The following ARHGAP15 variants were observed in gnomAD, a reference collection of about 807,000 sequenced individuals.
The protein encoded by ARHGAP15 is rho GTPase-activating protein 15.
In ARHGAP15, 51 loss-of-function variants were observed where a neutral mutation model predicts 63.7. That is an observed-to-expected ratio of 0.80 (90% CI 0.64 to 1.01). The LOEUF (loss-of-function observed/expected upper bound fraction) is 1.01, where lower values mean the gene tolerates loss of function less well. Among genes scored for constraint, ARHGAP15 ranks in the 50% least tolerant of loss-of-function variants. The pLI is 0.00. For synonymous variants in ARHGAP15, 191 were observed against 193.8 expected (o/e 0.99, Z 0.12); for missense variants, 560 against 564.6 (o/e 0.99, Z 0.08).
chr2:143,690,473 C>A (rs894846507), intron 12 of ARHGAP15, among the ~76,000 whole-genome samples: 5 of 152,048 alleles, frequency 3.3e-5, no homozygotes, highest in Admixed American at 1.3e-4. Flanking sequence ...GTTGCTGTTG[C>A]GTCTTTACCT....
intron 2 of ARHGAP15, among the ~76,000 whole-genome samples, chr2:143,173,438 T>C (rs1027040482): frequency 2.6e-5 from 4 of 152,056 alleles, no homozygotes; most frequent in Admixed American, 2.6e-4. Context: ...CATAAACATA[T>C]CAATCCTGGT....
At chr2:143,344,237 T>C (rs1685176113) in intron 6 of ARHGAP15, 1 of 152,134 alleles carries the variant, frequency 6.6e-6, no homozygotes, top group Admixed American at 6.6e-5. Context: ...AAAAGTAGTA[T>C]AGGCAATTTG....
intron 8 of ARHGAP15, among the ~76,000 whole-genome samples, chr2:143,468,059 C>A (rs1691317359): frequency 6.6e-6 from 1 of 152,030 alleles, no homozygotes; most frequent in Non-Finnish European, 1.5e-5. Context: ...ATGAAGTTTA[C>A]AATCTGCCAT....
At chr2:143,658,474 T>C (rs1681575451) in intron 12 of ARHGAP15, among the ~76,000 whole-genome samples, 1 of 152,182 alleles carries the variant, frequency 6.6e-6, no homozygotes, top group Non-Finnish European at 1.5e-5. Context: ...TCAAGTACTG[T>C]GTCAGTTGGA....
intron 8 of ARHGAP15, among the ~76,000 whole-genome samples, chr2:143,484,743 T>C (rs1692245633): frequency 1.3e-5 from 2 of 152,106 alleles, no homozygotes; most frequent in South Asian, 2.1e-4. Context: ...AAAGAAACAA[T>C]TTAAATAATA....
intron 6 of ARHGAP15, among the ~76,000 whole-genome samples, chr2:143,413,390 A>G (rs1180084899): frequency 6.6e-6 from 1 of 152,024 alleles, no homozygotes; most frequent in South Asian, 2.1e-4. Context: ...GGGCCCCTTT[A>G]CCTTGGTAGA....
Position 143,624,308 on chromosome 2 carries a change from G to T in ARHGAP15, c.1138+41G>T. 1.9e-6 allele frequency: 3 copies of T among 1,573,196 alleles called. No individual in the cohort carries two copies. In the South Asian group the frequency reaches 3.5e-5, roughly 18 times the overall value. On this transcript the variant is annotated intron_variant, in intron 12 of 13. Coordinates refer to ENST00000295095, the MANE Select transcript of ARHGAP15 (RefSeq NM_018460.4). Reference sequence around the variant, plus strand: ...AAAAGGGCAGGTGGTAGAATAACCTGACATCCTGGAATTATTAAGTAAATA... The same window carrying T: ...AAAAGGGCAGGTGGTAGAATAACCTTACATCCTGGAATTATTAAGTAAATA...
chr2:143,361,370 A>T (rs1686046376), intron 6 of ARHGAP15, among the ~76,000 whole-genome samples: 1 of 152,184 alleles, frequency 6.6e-6, no homozygotes, highest in African/African-American at 2.4e-5. Flanking sequence ...ATTATTACAA[A>T]CATTATTAAT....
At chr2:143,139,956 A>C (rs1324417078) in intron 1 of ARHGAP15, among the ~76,000 whole-genome samples, 1 of 152,172 alleles carries the variant, frequency 6.6e-6, no homozygotes, top group African/African-American at 2.4e-5. Flanking sequence ...TCCCAAGGAA[A>C]AAATATAAAA....
intron 10 of ARHGAP15, among the ~76,000 whole-genome samples, chr2:143,549,968 C>A (rs888443076): frequency 2.0e-5 from 3 of 152,050 alleles, no homozygotes; most frequent in African/African-American, 7.2e-5. Flanking sequence ...TTTAATCAGT[C>A]TCAATCATAA....
At chr2:143,575,446 G>T (rs929825244) in intron 11 of ARHGAP15, among the ~76,000 whole-genome samples, 6 of 152,100 alleles carry the variant, frequency 3.9e-5, no homozygotes, top group Non-Finnish European at 1.5e-5. Flanking sequence ...TTCTGTGAGG[G>T]ATAAGGGGAA....
At chr2:143,403,442 C>T (rs1688069644) in intron 6 of ARHGAP15, among the ~76,000 whole-genome samples, 1 of 151,624 alleles carries the variant, frequency 6.6e-6, no homozygotes, top group Admixed American at 6.6e-5. Context: ...TTATTTTTCA[C>T]TAACTCAGAG....
chr2:143,728,568 T>C (rs1038137869), intron 13 of ARHGAP15, among the ~76,000 whole-genome samples: 2 of 152,216 alleles, frequency 1.3e-5, no homozygotes, highest in African/African-American at 4.8e-5. Flanking sequence ...TCTGGAGTAT[T>C]CTTCTAGTAT....
At chr2:143,342,016 A>G (rs1464435861) in intron 6 of ARHGAP15, among the ~76,000 whole-genome samples, 1 of 152,154 alleles carries the variant, frequency 6.6e-6, no homozygotes, top group African/African-American at 2.4e-5. Flanking sequence ...TAGCTTATCC[A>G]ATATTCTTCA....
At chr2:143,311,788 T>C (rs1170457236) in intron 6 of ARHGAP15, among the ~76,000 whole-genome samples, 1 of 152,178 alleles carries the variant, frequency 6.6e-6, no homozygotes, top group African/African-American at 2.4e-5. Context: ...CCCATGGATC[T>C]GCCTGCAAAG....
chr2:143,152,325 A>T (rs1215512020), intron 1 of ARHGAP15, among the ~76,000 whole-genome samples: 2 of 151,974 alleles, frequency 1.3e-5, no homozygotes, highest in East Asian at 1.9e-4. Flanking sequence ...ACACCTTTGC[A>T]TTGCCAAATC....
chr2:143,364,377 T>G (rs1473600969), intron 6 of ARHGAP15, among the ~76,000 whole-genome samples: 1 of 152,208 alleles, frequency 6.6e-6, no homozygotes, highest in African/African-American at 2.4e-5. Context: ...AGAAGTAGTT[T>G]AGGATTCATT....
intron 6 of ARHGAP15, among the ~76,000 whole-genome samples, chr2:143,251,285 T>G (rs1680147590): frequency 6.6e-6 from 1 of 152,070 alleles, no homozygotes; most frequent in Admixed American, 6.6e-5. Context: ...GAAATTTAAT[T>G]TTATATTTCC....
chr2:143,668,380 T>C (rs1374537457), intron 12 of ARHGAP15, among the ~76,000 whole-genome samples: 1 of 152,210 alleles, frequency 6.6e-6, no homozygotes, highest in East Asian at 1.9e-4. Flanking sequence ...ATTGTTCATC[T>C]GTGTGTAGAA....
Sources: allele counts gnomAD v4.1 joint callset (sites outside exome capture counted in the v4.1 genomes callset), GRCh38; gene constraint gnomAD v4.1.1; transcripts MANE v1.5; gene names NCBI Gene and HGNC (gene_info 2026-07-23, HGNC 2026-07-21).